ACR: variants seen among roughly 807,000 people sequenced by gnomAD.
The protein encoded by ACR is acrosin, also known as acrosin light and heavy chain prepropeptide.
A neutral mutation model predicts 26.0 loss-of-function variants in ACR; 17 were observed. That is an observed-to-expected ratio of 0.65 (90% confidence interval 0.45 to 0.98). The LOEUF (loss-of-function observed/expected upper bound fraction) is 0.98. Among genes scored for constraint, ACR ranks in the 50% least tolerant of loss-of-function variants. The pLI is 0.00. For missense variants in ACR, 435 were observed against 519.3 expected (o/e 0.84, Z 1.58); for synonymous variants, 199 against 207.7 (o/e 0.96, Z 0.36).
In ACR at chr22:50,739,011, A is replaced by G. The variant is rs1028253749; in HGVS notation, c.78-260A>G. ...AGGGACGGGCCATCCCTCAGGGCCC[A>G]TGCAGCCTGTCCTGGCTTCCTATGG... On this transcript the variant is annotated intron_variant, in intron 1 of 4. Coordinates refer to ENST00000216139, the MANE Select transcript of ACR (RefSeq NM_001097.3). The surrounding 1 kb of genome is among the most constrained non-coding windows in gnomAD (Gnocchi z 5.5). Among the ~76,000 whole-genome samples, 4 of 152,148 alleles carry G rather than the reference A, an allele frequency of 2.6e-5. No homozygotes were observed. Among genetic ancestry groups the G allele is most frequent in the Non-Finnish European group, 5.9e-5 (4 of 68,018 alleles).
At chr22:50,742,413 G>A (rs1278781039) in intron 3 of ACR, among the ~76,000 whole-genome samples, 8 of 151,648 alleles carry the variant, frequency 5.3e-5, no homozygotes, top group Admixed American at 3.3e-4. Flanking sequence ...GCATGGTGGC[G>A]GGCGCCTGTA....
rs1197863025 is a variant in ACR at position 50,739,351 on chromosome 22, C to T, written c.158C>T (p.Ala53Val). The change falls in exon 2 of 5, where the codon GCC (alanine) becomes GTC (valine). Residue 53 changes from alanine to valine, a missense_variant. Transcript: ENST00000216139. This position sits in a 1 kb window ranked among gnomAD's most constrained non-coding sequence, Gnocchi z 5.5. ...IVGGKAAQHG[A>V]WPWMVSLQIF... ...GGCGGGAAGGCTGCACAGCATGGGG[C>T]CTGGCCCTGGATGGTCAGCCTCCAG... 1 of 1,612,788 alleles carries T rather than the reference C, an allele frequency of 6.2e-7. No individual in the cohort carries two copies. Among genetic ancestry groups the T allele is most frequent in the Non-Finnish European group, 8.5e-7 (1 of 1,179,486 alleles).
rs537374868 is a variant in ACR at position 50,742,405 on chromosome 22, A to T, written c.566-1656A>T. On this transcript the variant is annotated intron_variant, in intron 3 of 4. Coordinates refer to ENST00000216139, the MANE Select transcript of ACR (RefSeq NM_001097.3). ...TAAAAATACAGAAAATTAGCCGGGC[A>T]TGGTGGCGGGCGCCTGTAGTCCCAG... Among the ~76,000 whole-genome samples the T allele has an allele frequency of 1.1e-3, 163 of 147,182 alleles. 1 individual carries two copies. The highest frequency in any genetic ancestry group is 7.2e-4 in the Non-Finnish European group (48 of 66,276).
Position 50,743,191 on chromosome 22 carries a change from A to G in ACR, c.566-870A>G, listed in dbSNP as rs1371139693. On this transcript the variant is annotated intron_variant, in intron 3 of 4. Transcript: ENST00000216139. Reference sequence around the variant, plus strand: ...GCTGGGACTACAGGCGCCCGCCACCATGCCTGGCTAATTTTTTGTATTTTT... The same window carrying G: ...GCTGGGACTACAGGCGCCCGCCACCGTGCCTGGCTAATTTTTTGTATTTTT... Among the ~76,000 whole-genome samples, 161 of 149,182 alleles carry G rather than the reference A, an allele frequency of 1.1e-3. 1 individual carries two copies. Among genetic ancestry groups the G allele is most frequent in the African/African-American group, 3.5e-3 (140 of 40,390 alleles).
rs2083413589 is a variant in ACR at position 50,739,369 on chromosome 22, G to C, written c.176G>C (p.Ser59Thr). ...CATGGGGCCTGGCCCTGGATGGTCA[G>C]CCTCCAGATCTTCACGTACAACAGC... The part of the protein sequence containing the change: ...AQHGAWPWMV[S>T]LQIFTYNSHR... The change falls in exon 2 of 5, where the codon AGC (serine) becomes ACC (threonine). Residue 59 changes from serine (S) to threonine (T), a missense_variant. Physicochemically the swap from Ser to Thr is moderately conservative, Grantham distance 58. This residue lies in a region of ACR where 314 missense variants were observed against 372.0 expected (regional missense o/e 0.84). Coordinates refer to ENST00000216139, the MANE Select transcript of ACR (RefSeq NM_001097.3). This position sits in a 1 kb window ranked among gnomAD's most constrained non-coding sequence, Gnocchi z 5.5. 1.2e-6 allele frequency: 2 copies of C among 1,613,574 alleles called. No homozygotes were observed. Among genetic ancestry groups the C allele is most frequent in the African/African-American group, 2.7e-5 (2 of 74,926 alleles).
In ACR at chr22:50,742,998, C is replaced by T. The variant is rs539644463; in HGVS notation, c.566-1063C>T. Among the ~76,000 whole-genome samples, 7 of 152,246 alleles carry T rather than the reference C, an allele frequency of 4.6e-5. No homozygotes were observed. In the South Asian group the frequency reaches 1.5e-3, roughly 32 times the overall value. On this transcript the variant is annotated intron_variant, in intron 3 of 4. Coordinates refer to ENST00000216139, the MANE Select transcript of ACR (RefSeq NM_001097.3). ...TGGCGCATGCGCCGTAGCATCGGGT[C>T]TTTCTAACCCAAAGGTCACGGTAGA...
At position 50,739,221 on chromosome 22, in the gene ACR, G is replaced by T; in HGVS notation, c.78-50G>T. 6.7e-7 allele frequency: 1 copy of T among 1,494,306 alleles called. No individual in the cohort carries two copies. Among genetic ancestry groups the T allele is most frequent in the East Asian group, 2.5e-5 (1 of 40,222 alleles). The allele number at this position is 1,494,306 out of a possible 1,614,324, so 92.6% of individuals were successfully genotyped here. A position where few individuals can be genotyped will look rare whatever the true frequency, so the allele number is the denominator to read the frequency against. On this transcript the variant is annotated intron_variant, in intron 1 of 4. Coordinates refer to ENST00000216139, the MANE Select transcript of ACR (RefSeq NM_001097.3). The surrounding 1 kb of genome is among the most constrained non-coding windows in gnomAD (Gnocchi z 5.5). Reference sequence around the variant, plus strand: ...CTCCCCTCAGTTGTGGAGTTACAAGGACAGGCTGTGCTCATGCCAGGTTTG... The same window carrying T: ...CTCCCCTCAGTTGTGGAGTTACAAGTACAGGCTGTGCTCATGCCAGGTTTG...
At chr22:50,740,553 T>C (rs1254290902) in intron 3 of ACR, 1 of 701,704 alleles carries the variant, frequency 1.4e-6, no homozygotes, top group Non-Finnish European at 2.6e-6. Flanking sequence ...ACATTTGCTC[T>C]GTAGACTGGG....
intron 3 of ACR, among the ~76,000 whole-genome samples, chr22:50,742,504 A>C (rs1433651019): frequency 2.0e-5 from 3 of 149,264 alleles, no homozygotes; most frequent in East Asian, 3.9e-4. Context: ...AGATGGCGCC[A>C]CCGCACTCCA....
At chr22:50,740,703 T>C in intron 3 of ACR, 1 of 702,446 alleles carries the variant, frequency 1.4e-6, no homozygotes, top group African/African-American at 1.7e-5. Context: ...AACCAAGCTG[T>C]CTCTCTCTCC....
rs145800154 is a variant in ACR at position 50,740,415 on chromosome 22, T to C, written c.565+438T>C. On this transcript the variant is annotated intron_variant, in intron 3 of 4. Transcript: ENST00000216139. The stretch of plus-strand genomic sequence containing the variant: ...GGGCTGGATCAGATGGTCTCCAAGC[T>C]GACCATTTCCTAACACCTGTGATTC... 51 of 602,842 alleles carry C rather than the reference T, an allele frequency of 8.5e-5. No individual in the cohort carries two copies. The African/African-American group carries it at 8.5e-4, about 10-fold the overall frequency. The allele number at this position is 602,842 out of a possible 1,614,324, so 37.3% of individuals were successfully genotyped here.
At chr22:50,743,072 G>C (rs573717734) in intron 3 of ACR, among the ~76,000 whole-genome samples, 1 of 152,058 alleles carries the variant, frequency 6.6e-6, no homozygotes, top group East Asian at 1.9e-4. Context: ...GTCTCGCTCT[G>C]TGGCCCGGGC....
At chr22:50,742,769 C>T (rs1169745850) in intron 3 of ACR, among the ~76,000 whole-genome samples, 1 of 152,194 alleles carries the variant, frequency 6.6e-6, no homozygotes, top group Non-Finnish European at 1.5e-5. Flanking sequence ...GCCCTATGCA[C>T]GTCACTCGTG....
At chr22:50,743,987 T>C in intron 3 of ACR, 74 bp from the exon 4 acceptor site, 2 of 1,087,676 alleles carry the variant, frequency 1.8e-6, no homozygotes, top group Admixed American at 1.8e-5. Context: ...GAGGATGGGG[T>C]TCGGTGGGGC....
In ACR at chr22:50,739,689, C is replaced by T; in HGVS notation, c.282-5C>T. On this transcript the variant is annotated splice_region_variant and splice_polypyrimidine_tract_variant and intron_variant, in intron 2 of 4. Coordinates refer to ENST00000216139, the MANE Select transcript of ACR (RefSeq NM_001097.3). The surrounding 1 kb of genome is among the most constrained non-coding windows in gnomAD (Gnocchi z 5.5). ...TTGTGACCTGGCTTACCTTTGTGCC[C>T]ACAGTAATGTGCATGACTGGAGACT... 2 of 1,537,106 alleles carry T rather than the reference C, an allele frequency of 1.3e-6. No individual in the cohort carries two copies. The highest frequency in any genetic ancestry group is 1.7e-6 in the Non-Finnish European group (2 of 1,144,108).
rs561113791 is a variant in ACR, at chr22:50,743,845, C to T, written c.566-216C>T. Among the ~76,000 whole-genome samples, 21 of 152,278 alleles carry T rather than the reference C, an allele frequency of 1.4e-4. 1 individual carries two copies. In the South Asian group the frequency reaches 4.4e-3, roughly 32 times the overall value. On this transcript the variant is annotated intron_variant, in intron 3 of 4. Transcript: ENST00000216139. ...GCCTCCACCCTTCCTTCCTCTCTTCCTCTCTCCTCTGGCCTTGATTTGGAT... is the reference window on the plus strand; with the variant it reads ...GCCTCCACCCTTCCTTCCTCTCTTCTTCTCTCCTCTGGCCTTGATTTGGAT...
chr22:50,739,959 G>A lies in ACR; in HGVS notation c.547G>A (p.Gly183Arg), dbSNP rs1323003592. Residue 183 changes from glycine to arginine, a missense_variant, in exon 3 of 5, where the codon GGA becomes AGA. Physicochemically the swap from Gly to Arg is moderately radical, Grantham distance 125. Coordinates refer to ENST00000216139, the MANE Select transcript of ACR (RefSeq NM_001097.3). The surrounding 1 kb of genome is among the most constrained non-coding windows in gnomAD (Gnocchi z 5.5). ...CCAGAGCTGCTGGGTGGCCGGCTGG[G>A]GATATATAGAAGAGAAAGGTGAGTA... The part of the protein sequence containing the change: ...GSQSCWVAGW[G>R]YIEEKAPRPS... The A allele has an allele frequency of 2.5e-5, 41 of 1,613,716 alleles. No individual in the cohort carries two copies. Among genetic ancestry groups the A allele is most frequent in the Non-Finnish European group, 3.4e-5 (40 of 1,180,024 alleles).
Position 50,744,671 on chromosome 22 carries a change from C to T in ACR, c.730C>T (p.Leu244Phe). The change falls in exon 5 of 5, where the codon CTC becomes TTC. Residue 244 changes from leucine to phenylalanine, a missense_variant. By Grantham distance (22) the Leu-to-Phe change is conservative. This residue lies in a region of ACR where 314 missense variants were observed against 372.0 expected (regional missense o/e 0.84). Transcript: ENST00000216139. ...DTCQGDSGGP[L>F]MCKDSKESAY... ...TGGACAGGGAGACAGCGGCGGGCCT[C>T]TCATGTGCAAAGACAGCAAGGAAAG... is the stretch of plus-strand genomic sequence containing the variant. 2 of 1,611,888 alleles carry T rather than the reference C, an allele frequency of 1.2e-6. No individual in the cohort carries two copies. The highest frequency in any genetic ancestry group is 1.7e-6 in the Non-Finnish European group (2 of 1,179,054).
chr22:50,743,211 A>G (rs1284817116), intron 3 of ACR, among the ~76,000 whole-genome samples: 1 of 151,002 alleles, frequency 6.6e-6, no homozygotes, highest in Non-Finnish European at 1.5e-5. Flanking sequence ...AATTTTTTGT[A>G]TTTTTAGTAG....
Sources: allele counts gnomAD v4.1 joint callset (sites outside exome capture counted in the v4.1 genomes callset), GRCh38; gene constraint gnomAD v4.1.1; regional missense constraint gnomAD v4.1.1; non-coding constraint Gnocchi (gnomAD v3.1); transcripts MANE v1.5; gene names NCBI Gene and HGNC (gene_info 2026-07-23, HGNC 2026-07-21).